TRAF3: variants seen among roughly 807,000 people sequenced by gnomAD.
TRAF3 encodes TNF receptor associated factor 3, also known as TNF receptor-associated factor 3.
TRAF3 carries 13 observed loss-of-function variants against 62.3 expected under a neutral mutation model. The ratio of observed to expected loss-of-function variants is 0.21; its 90% CI spans 0.14 to 0.33. The LOEUF (loss-of-function observed/expected upper bound fraction) is 0.33, where lower values mean the gene tolerates loss of function less well. Ranked by LOEUF, TRAF3 falls within the 10% of genes least tolerant of loss-of-function variation. The pLI is 1.00. For synonymous variants in TRAF3, 269 were observed against 283.4 expected, an observed-to-expected ratio of 0.95 and a Z score of 0.51; for missense variants, 440 against 741.8, an observed-to-expected ratio of 0.59 and a Z score of 4.73.
At chr14:102,804,412 C>T (rs939159448) in intron 1 of TRAF3, among the ~76,000 whole-genome samples, 7 of 152,264 alleles carry the variant, frequency 4.6e-5, no homozygotes, top group Admixed American at 3.3e-4. Flanking sequence ...GTGAGGCCGC[C>T]GTAGCAACAG....
At chr14:102,840,382 C>A (rs1886306906) in intron 2 of TRAF3, among the ~76,000 whole-genome samples, 1 of 152,060 alleles carries the variant, frequency 6.6e-6, no homozygotes, top group Non-Finnish European at 1.5e-5. Context: ...AGGCACATGC[C>A]ACCACGTCTG....
At chr14:102,896,017 G>A (rs955949293) in intron 9 of TRAF3, among the ~76,000 whole-genome samples, 1 of 152,150 alleles carries the variant, frequency 6.6e-6, no homozygotes, top group African/African-American at 2.4e-5. Flanking sequence ...TGCAGGGTGT[G>A]GCCCCTGGGT....
intron 2 of TRAF3, among the ~76,000 whole-genome samples, chr14:102,835,388 C>T (rs1242207832): frequency 6.6e-6 from 1 of 152,158 alleles, no homozygotes; most frequent in African/African-American, 2.4e-5. Flanking sequence ...CCAGCAATCC[C>T]ATTACTGGTT....
chr14:102,901,183 C>T (rs886894130), intron 10 of TRAF3, among the ~76,000 whole-genome samples: 7 of 152,096 alleles, frequency 4.6e-5, no homozygotes, highest in African/African-American at 1.7e-4. Flanking sequence ...GGAGTCCTTG[C>T]TGGAGACTCC....
Position 102,909,658 on chromosome 14 carries a change from G to A in TRAF3, c.*3874G>A, listed in dbSNP as rs1199527893. ...CAGGGCTCCCACTGCACTGGCTGTG[G>A]CAGGAGGCTTCCCCATGACCCCGTG... On this transcript the variant is annotated 3_prime_UTR_variant, in exon 12 of 12. Transcript: ENST00000392745. 2 of 152,396 alleles carry A rather than the reference G, an allele frequency of 1.3e-5. No individual in the cohort carries two copies. Among genetic ancestry groups the A allele is most frequent in the Non-Finnish European group, 2.9e-5 (2 of 68,204 alleles). The allele number at this position is 152,396 out of a possible 1,614,324, so 9.4% of individuals were successfully genotyped here.
intron 9 of TRAF3, among the ~76,000 whole-genome samples, chr14:102,894,585 A>G (rs1889903479): frequency 6.6e-6 from 1 of 152,158 alleles, no homozygotes; most frequent in Non-Finnish European, 1.5e-5. Context: ...AGAAGAGTGG[A>G]AGCAGTGATC....
chr14:102,822,248 A>G (rs768391191), intron 1 of TRAF3, among the ~76,000 whole-genome samples: 6 of 152,226 alleles, frequency 3.9e-5, no homozygotes, highest in Non-Finnish European at 8.8e-5. Context: ...GGAAGGCTCC[A>G]TTAGCACTTT....
intron 1 of TRAF3, among the ~76,000 whole-genome samples, chr14:102,790,187 T>G (rs1897720083): frequency 6.6e-6 from 1 of 152,210 alleles, no homozygotes; most frequent in African/African-American, 2.4e-5. Context: ...TTCAGTTAAT[T>G]CTTGTATATG....
chr14:102,904,033 C>A (rs1305931243), intron 11 of TRAF3: 2 of 354,490 alleles, frequency 5.6e-6, no homozygotes, highest in Non-Finnish European at 1.1e-5. Context: ...GCAGAGGCCA[C>A]CTGTGGGTGC....
At chr14:102,890,952 A>G (rs965456351) in intron 8 of TRAF3, among the ~76,000 whole-genome samples, 2 of 152,242 alleles carry the variant, frequency 1.3e-5, no homozygotes, top group African/African-American at 4.8e-5. Flanking sequence ...CACTTATGCT[A>G]TATTTTAATG....
chr14:102,903,113 T>A lies in TRAF3; in HGVS notation c.961-142T>A. The A allele has an allele frequency of 1.7e-6, 2 of 1,153,306 alleles. No homozygotes were observed. Among genetic ancestry groups the A allele is most frequent in the Middle Eastern group, 2.0e-4 (1 of 5,036 alleles). The allele number at this position is 1,153,306 out of a possible 1,614,324, so 71.4% of individuals were successfully genotyped here. A position where few individuals can be genotyped will look rare whatever the true frequency, so the allele number is the denominator to read the frequency against. On this transcript the variant is annotated intron_variant, in intron 10 of 11. Transcript: ENST00000392745. This position sits in a 1 kb window ranked among gnomAD's most constrained non-coding sequence, Gnocchi z 6.4. ...GAGGCCTGATGCAGAGCCCCACTCC[T>A]GGAGTCAGAGCCGCGGGTGGCAGGC...
In TRAF3 at chr14:102,875,747, C is replaced by CT. The variant is rs778269183; in HGVS notation, c.402+20dup. ...TCTGCTGGTGAGTAGCAAAGGGACACTGGAACCTTTTACATGAAGGAATTC... is the reference window on the plus strand; with the variant it reads ...TCTGCTGGTGAGTAGCAAAGGGACACTTGGAACCTTTTACATGAAGGAATTC... On this transcript the variant is annotated intron_variant, in intron 5 of 11. Transcript: ENST00000392745. The CT allele has an allele frequency of 1.9e-5, 30 of 1,594,146 alleles. No homozygotes were observed. The East Asian group carries it at 6.7e-4, about 36-fold the overall frequency.
chr14:102,794,795 TA>T (rs1369332742), intron 1 of TRAF3, among the ~76,000 whole-genome samples: 1 of 152,138 alleles, frequency 6.6e-6, no homozygotes, highest in Non-Finnish European at 1.5e-5. Context: ...CAATAATTTC[TA>T]AAAAACTTTT....
intron 2 of TRAF3, among the ~76,000 whole-genome samples, chr14:102,866,892 C>CAG (rs1491199272): frequency 0.043 from 6,241 of 146,526 alleles, 264 homozygotes; most frequent in African/African-American, 0.08. Context: ...CACACACACA[C>CAG]AAAACAATGA....
At chr14:102,841,952 A>G (rs1886396160) in intron 2 of TRAF3, among the ~76,000 whole-genome samples, 1 of 152,214 alleles carries the variant, frequency 6.6e-6, no homozygotes, top group African/African-American at 2.4e-5. Context: ...GAATATATAC[A>G]ATATATAAAA....
At chr14:102,879,036 T>G (rs1054670905) in intron 6 of TRAF3, among the ~76,000 whole-genome samples, 3 of 151,718 alleles carry the variant, frequency 2.0e-5, no homozygotes, top group Admixed American at 6.6e-5. Context: ...GGTGATGGGC[T>G]TGGGGGAGAA....
chr14:102,885,192 C>T (rs12898022), intron 6 of TRAF3, among the ~76,000 whole-genome samples: 38,147 of 152,150 alleles, frequency 0.25, 5,837 homozygotes, highest in Non-Finnish European at 0.34. Context: ...AACCACGTTC[C>T]GAGGACGAGC....
intron 2 of TRAF3, among the ~76,000 whole-genome samples, chr14:102,846,971 A>T (rs1484183336): frequency 6.6e-6 from 1 of 152,194 alleles, no homozygotes; most frequent in African/African-American, 2.4e-5. Flanking sequence ...TAATAACTTC[A>T]TGAAACGGTA....
intron 1 of TRAF3, among the ~76,000 whole-genome samples, chr14:102,829,755 T>G (rs760956986): frequency 6.6e-6 from 1 of 152,176 alleles, no homozygotes; most frequent in Non-Finnish European, 1.5e-5. Context: ...GACCCATGTT[T>G]AAAATGTCAA....
Sources: allele counts gnomAD v4.1 joint callset (sites outside exome capture counted in the v4.1 genomes callset), GRCh38; gene constraint gnomAD v4.1.1; non-coding constraint Gnocchi (gnomAD v3.1); transcripts MANE v1.5; gene names NCBI Gene and HGNC (gene_info 2026-07-23, HGNC 2026-07-21).